The following SH3D21 variants were observed in gnomAD, a reference collection of about 807,000 sequenced individuals.
SH3D21 encodes SH3 domain-containing protein 21.
SH3D21 carries 83 observed loss-of-function variants against 82.1 expected under a neutral mutation model. The observed-to-expected ratio is 1.01, with a 90% CI of 0.85 to 1.21. The LOEUF is 1.21. Ranked by LOEUF, SH3D21 falls within the 50% of genes most tolerant of loss-of-function variation. SH3D21 has a pLI of 0.00. For missense variants in SH3D21, 980 were observed against 962.1 expected, an observed-to-expected ratio of 1.02 and a Z score of -0.25; for synonymous variants, 383 against 387.8, an observed-to-expected ratio of 0.99 and a Z score of 0.15.
Position 36,307,169 on chromosome 1 carries a change from C to A in SH3D21, c.229C>A (p.His77Asn). The part of the protein sequence containing the change: ...RRPRCARRRG[H>N]PAKHPRPQRW... ...CAGCCGCGCTTGTCCGGTGCTAGGTCATCCTGCCAAACACCCGAGGCCCCA... is the reference window on the plus strand; with the variant it reads ...CAGCCGCGCTTGTCCGGTGCTAGGTAATCCTGCCAAACACCCGAGGCCCCA... Residue 77 changes from histidine to asparagine, a missense_variant and splice_region_variant, in exon 4 of 16, where the codon CAT becomes AAT. Coordinates refer to ENST00000453908, the MANE Select transcript of SH3D21 (RefSeq NM_001162530.2). The surrounding 1 kb of genome is among the most constrained non-coding windows in gnomAD (Gnocchi z 5.4). The A allele has an allele frequency of 6.4e-7, 1 of 1,551,606 alleles. No individual in the cohort carries two copies. The highest frequency in any genetic ancestry group is 1.2e-5 in the South Asian group (1 of 83,954).
intron 8 of SH3D21, 79 bp downstream of exon 8, chr1:36,308,288 C>G (rs1646171820): frequency 6.8e-7 from 1 of 1,476,708 alleles, no homozygotes; most frequent in Non-Finnish European, 9.2e-7. Context: ...CCCCCTGAAT[C>G]TAAAATAAAC....
chr1:36,307,271 G>A lies in SH3D21; in HGVS notation c.331G>A (p.Glu111Lys), dbSNP rs768860350. 6.3e-5 allele frequency: 98 copies of A among 1,551,756 alleles called. No homozygotes were observed. The highest frequency in any genetic ancestry group is 7.8e-5 in the Non-Finnish European group (89 of 1,147,046). ...GAAGCTGCAAGCTGGGGAGATCGTG[G>A]AAATGATAAAGGAGGTGAGGGGTGA... is the stretch of plus-strand genomic sequence containing the variant. ...ELKLQAGEIV[E>K]MIKEIEDGWW... The change falls in exon 4 of 16, where the codon GAA (glutamate) becomes AAA (lysine). Residue 111 changes from glutamate to lysine, a missense_variant. Glu to Lys is a moderately conservative substitution (Grantham distance 56). Coordinates refer to ENST00000453908, the MANE Select transcript of SH3D21 (RefSeq NM_001162530.2). The surrounding 1 kb of genome is among the most constrained non-coding windows in gnomAD (Gnocchi z 5.4).
At chr1:36,309,767 TG>T (rs1646201588) in intron 10 of SH3D21, among the ~76,000 whole-genome samples, 177 bp downstream of exon 10, 1 of 152,090 alleles carries the variant, frequency 6.6e-6, no homozygotes, top group Admixed American at 6.5e-5. Context: ...TCAGTTTGTG[TG>T]TGTGTTAATA....
In SH3D21 at chr1:36,319,314, C is replaced by A. The variant is rs1260677524; in HGVS notation, c.916+2C>A. Reference sequence around the variant, plus strand: ...AGAAGCTCACCTCCCGAGACTCAGGCAAGGGCTGCCTTCCTCCAGTGCGGG... The same window carrying A: ...AGAAGCTCACCTCCCGAGACTCAGGAAAGGGCTGCCTTCCTCCAGTGCGGG... On this transcript the variant is annotated splice_donor_variant, in intron 12 of 15. Transcript: ENST00000453908. LOFTEE classifies it high-confidence loss of function. 4 of 1,551,646 alleles carry A rather than the reference C, an allele frequency of 2.6e-6. No individual in the cohort carries two copies. The highest frequency in any genetic ancestry group is 3.5e-6 in the Non-Finnish European group (4 of 1,146,980).
chr1:36,320,601 G>T lies in SH3D21; in HGVS notation c.1938G>T (p.Val646=). The T allele has an allele frequency of 1.2e-6, 2 of 1,614,156 alleles. No individual in the cohort carries two copies. Among genetic ancestry groups the T allele is most frequent in the East Asian group, 2.2e-5 (1 of 44,890 alleles). ...AGGAAGTGGCTCCAAAAGAGGAGGTGCCCCCCATAGAAAGAGCCTTTGCCC... is the reference window on the plus strand; with the variant it reads ...AGGAAGTGGCTCCAAAAGAGGAGGTTCCCCCCATAGAAAGAGCCTTTGCCC... ...PKEEVAPKEE[V]PPIERAFAQK... is the part of the protein sequence containing the mutation. The change falls in exon 14 of 16, where the codon GTG becomes GTT. Residue 646 remains valine, a synonymous_variant. Coordinates refer to ENST00000453908, the MANE Select transcript of SH3D21 (RefSeq NM_001162530.2).
chr1:36,326,239 T>C (rs1431619655), downstream of SH3D21, among the ~76,000 whole-genome samples: 1 of 151,630 alleles, frequency 6.6e-6, no homozygotes, highest in Non-Finnish European at 1.5e-5. Context: ...TCTTTCTTTT[T>C]TTTTTTTTTG....
At chr1:36,308,018 C>T in intron 7 of SH3D21, 55 bp downstream of exon 7, 2 of 1,550,966 alleles carry the variant, frequency 1.3e-6, no homozygotes, top group Non-Finnish European at 8.7e-7. Context: ...AAGGTTGTGA[C>T]TTGGTGGGCC....
chr1:36,307,426 A>G lies in SH3D21; in HGVS notation c.346-91A>G. Reference sequence around the variant, plus strand: ...GAAGCGCGGGAGGGAAGGAGGGAGGAAGGGGCGCTTGGGCAGAACCAAGGG... The same window carrying G: ...GAAGCGCGGGAGGGAAGGAGGGAGGGAGGGGCGCTTGGGCAGAACCAAGGG... On this transcript the variant is annotated intron_variant, in intron 4 of 15. Transcript: ENST00000453908. This position sits in a 1 kb window ranked among gnomAD's most constrained non-coding sequence, Gnocchi z 5.4. 2.7e-6 allele frequency: 4 copies of G among 1,507,764 alleles called. No individual in the cohort carries two copies. The South Asian group carries it at 4.9e-5, about 19-fold the overall frequency. The allele number at this position is 1,507,764 out of a possible 1,614,324, so 93.4% of individuals were successfully genotyped here.
intron 9 of SH3D21, 46 bp from the exon 10 acceptor site, chr1:36,309,502 G>A (rs1469676302): frequency 6.5e-7 from 1 of 1,549,690 alleles, no homozygotes; most frequent in Non-Finnish European, 8.7e-7. Flanking sequence ...TTGGATTTCT[G>A]ATTTTTAGAT....
chr1:36,318,643 C>T (rs1277532598), intron 10 of SH3D21, among the ~76,000 whole-genome samples: 1 of 151,900 alleles, frequency 6.6e-6, no homozygotes, highest in African/African-American at 2.4e-5. Context: ...CGCAGTGGCT[C>T]ACACCTGTAA....
downstream of SH3D21, chr1:36,327,704 GT>G: frequency 8.3e-7 from 1 of 1,205,324 alleles, no homozygotes; most frequent in Non-Finnish European, 1.1e-6. Context: ...ATTAACCAGA[GT>G]GCTGTCTTCT....
At chr1:36,319,627 G>A in intron 13 of SH3D21, 48 bp from the exon 14 acceptor site, 1 of 1,551,144 alleles carries the variant, frequency 6.4e-7, no homozygotes, top group Non-Finnish European at 8.7e-7. Flanking sequence ...CCAGGCCAAG[G>A]GGAACCAGAC....
intron 10 of SH3D21, among the ~76,000 whole-genome samples, chr1:36,314,000 AG>A (rs1365942557): frequency 3.3e-4 from 1 of 3,026 alleles, no homozygotes; most frequent in Non-Finnish European, 3.9e-3. Flanking sequence ...TTTGAGACGG[AG>A]TCTCGCTCTG....
At position 36,306,882 on chromosome 1, in the gene SH3D21, GGCCGCGCTGTGC is replaced by G; in HGVS notation, c.206_217del (p.Pro69_Ala72del). The G allele has an allele frequency of 7.7e-7, 1 of 1,305,754 alleles. No homozygotes were observed. Among genetic ancestry groups the G allele is most frequent in the Non-Finnish European group, 1.0e-6 (1 of 999,620 alleles). The allele number at this position is 1,305,754 out of a possible 1,614,324, so 80.9% of individuals were successfully genotyped here. A position where few individuals can be genotyped will look rare whatever the true frequency, so the allele number is the denominator to read the frequency against. ...CTGCGGGGCTCCGGAGAGGCGCGGA[GGCCGCGCTGTGC>G]GCGCCGCCGAGGTGAGCGCAAGGGC... On this transcript the variant is annotated inframe_deletion, in exon 3 of 16. Transcript: ENST00000453908. This position sits in a 1 kb window ranked among gnomAD's most constrained non-coding sequence, Gnocchi z 4.5.
chr1:36,306,979 T>G lies in SH3D21; in HGVS notation c.226+74T>G, dbSNP rs1231054980. 3.6e-6 allele frequency: 5 copies of G among 1,370,476 alleles called. No homozygotes were observed. The highest frequency in any genetic ancestry group is 1.5e-5 in the South Asian group (1 of 67,438). The allele number at this position is 1,370,476 out of a possible 1,614,324, so 84.9% of individuals were successfully genotyped here. ...AGTGCGACCCCGGCGTCTCCGGCTC[T>G]TAGTGACGGGCGCGGCTCTGGGCGG... On this transcript the variant is annotated intron_variant, in intron 3 of 15. Transcript: ENST00000453908. This position sits in a 1 kb window ranked among gnomAD's most constrained non-coding sequence, Gnocchi z 4.5.
chr1:36,322,181 G>A (rs536512319), downstream of SH3D21: 4 of 1,357,442 alleles, frequency 2.9e-6, no homozygotes, highest in East Asian at 5.6e-5. Flanking sequence ...GGCGGTCCAC[G>A]CCCAGTAGCA....
Position 36,308,161 on chromosome 1 carries a change from A to G in SH3D21, c.591A>G (p.Pro197=), listed in dbSNP as rs1646167314. 2.6e-6 allele frequency: 4 copies of G among 1,549,788 alleles called. No individual in the cohort carries two copies. Among genetic ancestry groups the G allele is most frequent in the Non-Finnish European group, 3.5e-6 (4 of 1,145,994 alleles). The part of the protein sequence containing the change: ...RVLFDYQPEA[P]DELALRRGDV... ...TGTTTGACTACCAGCCTGAGGCCCC[A>G]GACGAGTTGGCGCTGCGGAGGGGGG... The change falls in exon 8 of 16, where the codon CCA becomes CCG. Residue 197 remains proline, a synonymous_variant. Transcript: ENST00000453908.
chr1:36,308,037 T>C (rs1389814708), intron 7 of SH3D21, 72 bp from the exon 8 acceptor site: 3 of 1,549,712 alleles, frequency 1.9e-6, no homozygotes, highest in Non-Finnish European at 2.6e-6. Flanking sequence ...CCAGCTAGGC[T>C]GATGGAGGTG....
chr1:36,318,602 G>A (rs569041009), intron 10 of SH3D21, among the ~76,000 whole-genome samples: 5 of 151,170 alleles, frequency 3.3e-5, no homozygotes, highest in African/African-American at 7.3e-5. Flanking sequence ...GTGAAACCCC[G>A]TCTCTACTAA....
Sources: allele counts gnomAD v4.1 joint callset (sites outside exome capture counted in the v4.1 genomes callset), GRCh38; gene constraint gnomAD v4.1.1; non-coding constraint Gnocchi (gnomAD v3.1); transcripts MANE v1.5; gene names NCBI Gene and HGNC (gene_info 2026-07-23, HGNC 2026-07-21).